DMXL1: variants seen among roughly 807,000 people sequenced by gnomAD.
DMXL1 encodes Dmx like 1.
DMXL1 carries 99 observed loss-of-function variants against 319.2 expected under a neutral mutation model. That is an observed-to-expected ratio of 0.31 (90% CI 0.26 to 0.37). The LOEUF is 0.37. DMXL1 is among the 10% of genes least tolerant of loss of function. The pLI is 1.00. For missense variants in DMXL1, 3,745 were observed against 3,595.6 expected, an observed-to-expected ratio of 1.04 and a Z score of -1.06; for synonymous variants, 1,385 against 1,235.2, an observed-to-expected ratio of 1.12 and a Z score of -2.54.
chr5:119,242,853 C>T (rs901931403), intron 42 of DMXL1, among the ~76,000 whole-genome samples: 1 of 152,054 alleles, frequency 6.6e-6, no homozygotes, highest in African/African-American at 2.4e-5. Flanking sequence ...AGTGGAGAAA[C>T]GATAGTCTTT....
intron 43 of DMXL1, among the ~76,000 whole-genome samples, chr5:119,245,541 C>CTT (rs1189893917): frequency 9.0e-5 from 12 of 133,828 alleles, no homozygotes; most frequent in Admixed American, 1.5e-4. Flanking sequence ...TAAGTCGGTT[C>CTT]TTTTTTTTTT....
At chr5:119,207,464 G>C (rs1473452351) in intron 34 of DMXL1, among the ~76,000 whole-genome samples, 1 of 152,132 alleles carries the variant, frequency 6.6e-6, no homozygotes, top group Non-Finnish European at 1.5e-5. Context: ...ATGAGAATCT[G>C]TATAATTATG....
Position 119,146,847 on chromosome 5 carries a change from T to A in DMXL1, c.2580T>A (p.Pro860=), listed in dbSNP as rs1768658401. Residue 860 remains proline (P), a synonymous_variant, in exon 16 of 44, where the codon CCT becomes CCA. Coordinates refer to ENST00000539542, the MANE Select transcript of DMXL1 (RefSeq NM_001290321.3). ...DSILSNAGSS[P]NGFSEKFYLI... is the part of the protein sequence containing the mutation. ...CATTAATACCAACAGGCAGCTCACC[T>A]AATGGATTTTCTGAGAAGTTCTACC... The A allele has an allele frequency of 3.1e-6, 5 of 1,611,240 alleles. No homozygotes were observed. Among genetic ancestry groups the A allele is most frequent in the Non-Finnish European group, 3.4e-6 (4 of 1,178,596 alleles).
chr5:119,211,789 T>C (rs912083390), intron 34 of DMXL1, among the ~76,000 whole-genome samples: 3 of 152,236 alleles, frequency 2.0e-5, no homozygotes, highest in Non-Finnish European at 4.4e-5. Context: ...TGAAAATCAC[T>C]ACTGACTACC....
intron 10 of DMXL1, among the ~76,000 whole-genome samples, chr5:119,132,361 G>A (rs968033820): frequency 1.3e-5 from 2 of 152,142 alleles, no homozygotes; most frequent in African/African-American, 4.8e-5. Context: ...AAGATAAGGT[G>A]CATATACCAC....
At chr5:119,115,199 A>C (rs1403523904) in intron 6 of DMXL1, among the ~76,000 whole-genome samples, 1 of 152,208 alleles carries the variant, frequency 6.6e-6, no homozygotes, top group Non-Finnish European at 1.5e-5. Flanking sequence ...TTTAGACAAT[A>C]TATGCAGTAT....
rs1359131715 is a variant in DMXL1, at chr5:119,121,137, C to T, written c.1100C>T (p.Thr367Ile). The change falls in exon 9 of 44, where the codon ACA becomes ATA. Residue 367 changes from threonine (T) to isoleucine (I), a missense_variant and splice_region_variant. Physicochemically the swap from Thr to Ile is moderately conservative, Grantham distance 89 (BLOSUM62 -1). This residue lies in a region of DMXL1 where 2,096 missense variants were observed against 1,985.4 expected (regional missense o/e 1.06). Coordinates refer to ENST00000539542, the MANE Select transcript of DMXL1 (RefSeq NM_001290321.3). ...ATTGCAGCCAGCATCAACCCAGCCA[C>T]AGGTAATGAAACATTGTTCAAAACA... Reference protein sequence around the residue: ...FHIAASINPATDIPLLPSITS... With the variant: ...FHIAASINPAIDIPLLPSITS... The T allele has an allele frequency of 1.4e-5, 22 of 1,597,920 alleles. No homozygotes were observed. The highest frequency in any genetic ancestry group is 1.9e-5 in the Non-Finnish European group (22 of 1,174,304).
At chr5:119,105,870 C>T (rs1317151710) in intron 4 of DMXL1, among the ~76,000 whole-genome samples, 2 of 147,690 alleles carry the variant, frequency 1.4e-5, no homozygotes, top group African/African-American at 5.0e-5. Context: ...GCACTTCAGC[C>T]TGGGCAACAA....
chr5:119,086,431 G>A (rs1753381639), intron 1 of DMXL1, among the ~76,000 whole-genome samples: 1 of 152,138 alleles, frequency 6.6e-6, no homozygotes, highest in Admixed American at 6.5e-5. Flanking sequence ...TTAATGTGTT[G>A]TTCAATTTGG....
At chr5:119,188,793 A>T (rs889342132) in intron 28 of DMXL1, among the ~76,000 whole-genome samples, 4 of 152,234 alleles carry the variant, frequency 2.6e-5, no homozygotes, top group African/African-American at 9.6e-5. Flanking sequence ...GCTTGACTAT[A>T]GCTTGTTATA....
intron 29 of DMXL1, among the ~76,000 whole-genome samples, chr5:119,192,170 G>A (rs559411248): frequency 2.6e-5 from 4 of 152,102 alleles, no homozygotes; most frequent in South Asian, 2.1e-4. Context: ...AATAAAATCA[G>A]ACAAAACTTT....
At chr5:119,188,734 AT>A (rs1425624811) in intron 28 of DMXL1, among the ~76,000 whole-genome samples, 1 of 152,234 alleles carries the variant, frequency 6.6e-6, no homozygotes, top group Non-Finnish European at 1.5e-5. Context: ...CTAATATTTT[AT>A]TCATCTTTCC....
chr5:119,247,019 C>A lies in DMXL1; in HGVS notation c.8947C>A (p.Leu2983Ile). ...GATTTGGAGTCTCTCTACCTTTGGTCTTCTCCATACTTTTGTCAGTGAACA... is the reference window on the plus strand; with the variant it reads ...GATTTGGAGTCTCTCTACCTTTGGTATTCTCCATACTTTTGTCAGTGAACA... ...IKIWSLSTFG[L>I]LHTFVSEHAR... is the part of the protein sequence containing the mutation. The change falls in exon 44 of 44, where the codon CTT (leucine) becomes ATT (isoleucine). Residue 2983 changes from leucine (L) to isoleucine (I), a missense_variant. Coordinates refer to ENST00000539542, the MANE Select transcript of DMXL1 (RefSeq NM_001290321.3). The A allele has an allele frequency of 1.9e-6, 3 of 1,612,510 alleles. No homozygotes were observed. Among genetic ancestry groups the A allele is most frequent in the Middle Eastern group, 1.7e-4 (1 of 6,054 alleles).
chr5:119,225,050 G>A (rs531349290), intron 38 of DMXL1, among the ~76,000 whole-genome samples: 70 of 152,016 alleles, frequency 4.6e-4, no homozygotes, highest in Admixed American at 1.6e-3. Flanking sequence ...CAAAATTTGT[G>A]TATTTCTAAG....
intron 39 of DMXL1, among the ~76,000 whole-genome samples, chr5:119,234,792 A>C (rs1429014545): frequency 6.6e-6 from 1 of 152,166 alleles, no homozygotes; most frequent in South Asian, 2.1e-4. Flanking sequence ...GTATTATATA[A>C]CAAAAAACAT....
rs77564716 is a variant in DMXL1 at position 119,227,071 on chromosome 5, A to G, written c.8338+2302A>G. ...TTGGCGAGTGGAACTGAAAGTTTCAATGCTTTAGGCTATCTGTGGGACCCC... is the reference window on the plus strand; with the variant it reads ...TTGGCGAGTGGAACTGAAAGTTTCAGTGCTTTAGGCTATCTGTGGGACCCC... On this transcript the variant is annotated intron_variant, in intron 38 of 43. Transcript: ENST00000539542. 8.5e-3 allele frequency among the ~76,000 whole-genome samples: 1,296 copies of G among 152,262 alleles called. 59 individuals carry two copies. In the East Asian group the frequency reaches 0.14, roughly 16 times the overall value.
intron 2 of DMXL1, among the ~76,000 whole-genome samples, chr5:119,099,372 G>C (rs930441194): frequency 6.6e-6 from 1 of 151,858 alleles, no homozygotes; most frequent in African/African-American, 2.4e-5. Context: ...CATCATACCC[G>C]GCTAATTTTT....
At chr5:119,222,412 G>A (rs915268045) in intron 37 of DMXL1, among the ~76,000 whole-genome samples, 20 of 152,116 alleles carry the variant, frequency 1.3e-4, no homozygotes, top group Non-Finnish European at 2.4e-4. Context: ...CTCAGTGGTG[G>A]TTAAATAATT....
At chr5:119,233,038 T>G (rs1202361139) in intron 38 of DMXL1, among the ~76,000 whole-genome samples, 1 of 151,782 alleles carries the variant, frequency 6.6e-6, no homozygotes, top group Non-Finnish European at 1.5e-5. Flanking sequence ...AATATATAAT[T>G]TATTATAAAA....
Sources: allele counts gnomAD v4.1 joint callset (sites outside exome capture counted in the v4.1 genomes callset), GRCh38; gene constraint gnomAD v4.1.1; regional missense constraint gnomAD v4.1.1; transcripts MANE v1.5; gene names NCBI Gene and HGNC (gene_info 2026-07-23, HGNC 2026-07-21).